Variants in TMEM132D observed in about 807,000 individuals in gnomAD.
TMEM132D encodes the protein mature OL transmembrane protein.
A neutral mutation model predicts 62.3 loss-of-function variants in TMEM132D; 21 were observed. The observed-to-expected ratio is 0.34, with a 90% CI of 0.24 to 0.49. The LOEUF (loss-of-function observed/expected upper bound fraction) is 0.49, where lower values mean the gene tolerates loss of function less well. Ranked by LOEUF, TMEM132D falls within the 20% of genes least tolerant of loss-of-function variation. The pLI, the probability that TMEM132D is intolerant of heterozygous loss-of-function variation, is 0.99. For missense variants in TMEM132D, 1,346 were observed against 1,402.8 expected, an observed-to-expected ratio of 0.96 and a Z score of 0.65; for synonymous variants, 621 against 575.6, an observed-to-expected ratio of 1.08 and a Z score of -1.13.
chr12:129,859,663 T>G (rs940584023), intron 1 of TMEM132D, among the ~76,000 whole-genome samples: 2 of 152,024 alleles, frequency 1.3e-5, no homozygotes, highest in African/African-American at 4.8e-5. Flanking sequence ...GCAAAGAGGG[T>G]GGGATAAGCT....
At chr12:129,512,189 T>C (rs1875515638) in intron 3 of TMEM132D, among the ~76,000 whole-genome samples, 1 of 152,196 alleles carries the variant, frequency 6.6e-6, no homozygotes, top group Non-Finnish European at 1.5e-5. Context: ...ACCCCACTAC[T>C]TTCTGAGTTT....
intron 4 of TMEM132D, among the ~76,000 whole-genome samples, chr12:129,319,076 C>T (rs375523675): frequency 3.9e-5 from 6 of 152,174 alleles, no homozygotes; most frequent in Non-Finnish European, 8.8e-5. Context: ...TGGTTCTTCC[C>T]CGCCTGTGAA....
At chr12:129,374,609 G>A (rs1870728290) in intron 3 of TMEM132D, among the ~76,000 whole-genome samples, 1 of 152,070 alleles carries the variant, frequency 6.6e-6, no homozygotes, top group African/African-American at 2.4e-5. Flanking sequence ...TTGTTTTCAG[G>A]AAACAAGGTG....
chr12:129,721,809 T>C (rs1253994285), intron 1 of TMEM132D, among the ~76,000 whole-genome samples: 1 of 152,076 alleles, frequency 6.6e-6, no homozygotes, highest in African/African-American at 2.4e-5. Context: ...TCCATCCCAT[T>C]AGAGAGCACA....
rs71082709 is a variant in TMEM132D at position 129,420,306 on chromosome 12, G to GTTTTTTTTTTTTTTTT, written c.1116-82505_1116-82490dup. On this transcript the variant is annotated intron_variant, in intron 3 of 8. Coordinates refer to ENST00000422113, the MANE Select transcript of TMEM132D (RefSeq NM_133448.3). ...AATTTCAAATTATTGCACGTTCTCT[G>GTTTTTTTTTTTTTTTT]TTTTTTTTTTTTTTTTTTTTTTTTG... 3.5e-4 allele frequency among the ~76,000 whole-genome samples: 39 copies of GTTTTTTTTTTTTTTTT among 112,310 alleles called. 2 individuals are homozygous for GTTTTTTTTTTTTTTTT. Among genetic ancestry groups the GTTTTTTTTTTTTTTTT allele is most frequent in the East Asian group, 7.1e-4 (2 of 2,798 alleles). 73.7% of individuals were successfully genotyped at this position (112,310 alleles called of 152,430 possible).
chr12:129,864,120 T>TG (rs1047184196), intron 1 of TMEM132D, among the ~76,000 whole-genome samples: 2 of 152,152 alleles, frequency 1.3e-5, no homozygotes, highest in Non-Finnish European at 2.9e-5. Flanking sequence ...TCTTACTCTC[T>TG]GGGGGAAGCC....
rs537380364 is a variant in TMEM132D, at chr12:129,392,687, C to T, written c.1116-54870G>A. Reference sequence around the variant, plus strand: ...AAATCAGGGACCCCAGGCCAGGGCCCACCACCCTTGATGGAACAAGCCCTC... The same window carrying T: ...AAATCAGGGACCCCAGGCCAGGGCCTACCACCCTTGATGGAACAAGCCCTC... On this transcript the variant is annotated intron_variant, in intron 3 of 8. Coordinates refer to ENST00000422113, the MANE Select transcript of TMEM132D (RefSeq NM_133448.3). Among the ~76,000 whole-genome samples, 74 of 152,314 alleles carry T rather than the reference C, an allele frequency of 4.9e-4. 1 individual carries two copies. Among genetic ancestry groups the T allele is most frequent in the African/African-American group, 1.8e-3 (74 of 41,572 alleles).
In TMEM132D at chr12:129,772,610, T is replaced by C. The variant is rs377317947; in HGVS notation, c.80-71912A>G. On this transcript the variant is annotated intron_variant, in intron 1 of 8. Coordinates refer to ENST00000422113, the MANE Select transcript of TMEM132D (RefSeq NM_133448.3). ...CTGAAAACAAGGCTCTCCTGCAGCA[T>C]ACATGTCAGCAAACCCATGAGCTAT... 5.3e-5 allele frequency among the ~76,000 whole-genome samples: 8 copies of C among 152,226 alleles called. No homozygotes were observed. The East Asian group carries it at 1.5e-3, about 29-fold the overall frequency.
At chr12:129,625,171 A>G (rs1879180159) in intron 2 of TMEM132D, among the ~76,000 whole-genome samples, 1 of 152,122 alleles carries the variant, frequency 6.6e-6, no homozygotes, top group South Asian at 2.1e-4. Context: ...TTGCCTATTC[A>G]TACCTTTTAC....
chr12:129,443,720 T>G (rs568656942), intron 3 of TMEM132D, among the ~76,000 whole-genome samples: 2 of 152,266 alleles, frequency 1.3e-5, no homozygotes, highest in South Asian at 4.1e-4. Flanking sequence ...TTCTCTGGAG[T>G]GCCATCTCTC....
At chr12:129,332,300 A>G (rs1869131488) in intron 4 of TMEM132D, among the ~76,000 whole-genome samples, 2 of 152,216 alleles carry the variant, frequency 1.3e-5, no homozygotes, top group South Asian at 4.1e-4. Context: ...TAAGAAACTA[A>G]AAAGTTTCAA....
intron 3 of TMEM132D, among the ~76,000 whole-genome samples, chr12:129,461,451 T>G (rs1471140140): frequency 6.6e-6 from 1 of 152,010 alleles, no homozygotes; most frequent in Admixed American, 6.6e-5. Context: ...TGTAGAAAGA[T>G]GAAGATGGAC....
intron 3 of TMEM132D, among the ~76,000 whole-genome samples, chr12:129,509,564 T>C (rs773599102): frequency 6.6e-6 from 1 of 152,048 alleles, no homozygotes; most frequent in Non-Finnish European, 1.5e-5. Flanking sequence ...AAATATTAGG[T>C]CTTATTCATT....
chr12:129,451,048 C>G (rs999776620), intron 3 of TMEM132D, among the ~76,000 whole-genome samples: 3 of 152,066 alleles, frequency 2.0e-5, no homozygotes, highest in African/African-American at 7.2e-5. Context: ...AGGCGTGAGC[C>G]ACCGCGCCCG....
chr12:129,202,470 GA>G (rs1374799863), intron 5 of TMEM132D, among the ~76,000 whole-genome samples: 2 of 152,202 alleles, frequency 1.3e-5, no homozygotes, highest in Non-Finnish European at 2.9e-5. Context: ...TAAATGCTGT[GA>G]GGTTTTTCAT....
At chr12:129,140,993 T>C (rs566110417) in intron 5 of TMEM132D, among the ~76,000 whole-genome samples, 1 of 152,338 alleles carries the variant, frequency 6.6e-6, no homozygotes, top group South Asian at 2.1e-4. Flanking sequence ...TCTTCCAGGT[T>C]TTGGTCATTG....
At chr12:129,849,345 G>C (rs1873460888) in intron 1 of TMEM132D, among the ~76,000 whole-genome samples, 1 of 151,920 alleles carries the variant, frequency 6.6e-6, no homozygotes, top group South Asian at 2.1e-4. Context: ...AAAAATACAA[G>C]CATAAACCAT....
At chr12:129,783,687 G>A (rs1353251736) in intron 1 of TMEM132D, among the ~76,000 whole-genome samples, 2 of 152,316 alleles carry the variant, frequency 1.3e-5, no homozygotes, top group Non-Finnish European at 2.9e-5. Flanking sequence ...GAATATTTTG[G>A]TTTGAGCCCA....
intron 3 of TMEM132D, among the ~76,000 whole-genome samples, chr12:129,474,906 CA>C (rs1874214585): frequency 6.6e-6 from 1 of 152,184 alleles, no homozygotes; most frequent in South Asian, 2.1e-4. Context: ...CCTGGATGCA[CA>C]GAAGGCTGGG....
Sources: allele counts gnomAD v4.1 joint callset (sites outside exome capture counted in the v4.1 genomes callset), GRCh38; gene constraint gnomAD v4.1.1; transcripts MANE v1.5; gene names NCBI Gene and HGNC (gene_info 2026-07-23, HGNC 2026-07-21).